The following ZDHHC14 variants were observed in gnomAD, a reference collection of about 807,000 sequenced individuals.
The protein encoded by ZDHHC14 is palmitoyltransferase ZDHHC14.
Under a neutral mutation model 47.7 loss-of-function variants are expected in ZDHHC14, and 16 were observed. The ratio of observed to expected loss-of-function variants is 0.34; its 90% CI spans 0.23 to 0.51. ZDHHC14 has a LOEUF of 0.51. Ranked by LOEUF, ZDHHC14 falls within the 20% of genes least tolerant of loss-of-function variation. The probability of loss-of-function intolerance (pLI) is 0.97; values close to 1 mark genes in which losing one functional copy is unlikely to be tolerated. For synonymous variants in ZDHHC14, 293 were observed against 278.9 expected (o/e 1.05, Z -0.50); for missense variants, 515 against 662.5 (o/e 0.78, Z 2.44).
At chr6:157,385,128 G>A (rs1483530601) in intron 1 of ZDHHC14, among the ~76,000 whole-genome samples, 2 of 149,448 alleles carry the variant, frequency 1.3e-5, no homozygotes, top group African/African-American at 5.0e-5. Context: ...TCACTGTGTT[G>A]TCCAGGCTGG....
chr6:157,424,170 A>G (rs1361987197), intron 1 of ZDHHC14, among the ~76,000 whole-genome samples: 1 of 152,256 alleles, frequency 6.6e-6, no homozygotes, highest in African/African-American at 2.4e-5. Flanking sequence ...ACTGTGTGAT[A>G]TATTTAAACT....
intron 1 of ZDHHC14, among the ~76,000 whole-genome samples, chr6:157,503,200 C>T (rs2114740212): frequency 6.6e-6 from 1 of 152,304 alleles, no homozygotes; most frequent in South Asian, 2.1e-4. Context: ...CAGCCCTCCA[C>T]ACCGGCCACC....
At chr6:157,535,147 C>T (rs1225595907) in intron 1 of ZDHHC14, among the ~76,000 whole-genome samples, 4 of 152,216 alleles carry the variant, frequency 2.6e-5, no homozygotes, top group African/African-American at 9.6e-5. Context: ...TTGGGCCCCA[C>T]GGGCAGAAGA....
intron 1 of ZDHHC14, among the ~76,000 whole-genome samples, chr6:157,538,875 G>C (rs2047970): frequency 0.4 from 60,295 of 151,964 alleles, 12,130 homozygotes; most frequent in Admixed American, 0.45. Context: ...GAGTGAAAGC[G>C]GGTGCCTGCC....
At chr6:157,610,871 C>T (rs936214731) in intron 3 of ZDHHC14, among the ~76,000 whole-genome samples, 12 of 152,192 alleles carry the variant, frequency 7.9e-5, no homozygotes, top group Admixed American at 7.9e-4. Context: ...ATCAGAGTGC[C>T]AATTTATAAG....
chr6:157,647,415 G>A lies in ZDHHC14; in HGVS notation c.965+47G>A, dbSNP rs201305824. 3.4e-5 allele frequency: 51 copies of A among 1,500,888 alleles called. No homozygotes were observed. In the Middle Eastern group the frequency reaches 5.2e-4, roughly 15 times the overall value. 93.0% of individuals were successfully genotyped at this position (1,500,888 alleles called of 1,614,324 possible). A position where few individuals can be genotyped will look rare whatever the true frequency, so the allele number is the denominator to read the frequency against. On this transcript the variant is annotated intron_variant, in intron 7 of 8. Coordinates refer to ENST00000359775, the MANE Select transcript of ZDHHC14 (RefSeq NM_024630.3). ...GCTCTTCAACAGACCTTGGAAAACC[G>A]AATGCCTCGGCCGTTAGCACAGGCC...
intron 7 of ZDHHC14, among the ~76,000 whole-genome samples, chr6:157,648,995 G>T (rs966311455): frequency 2.6e-5 from 4 of 152,170 alleles, no homozygotes; most frequent in African/African-American, 9.7e-5. Context: ...ATATGGCACG[G>T]CTTTATGTTG....
At chr6:157,554,349 G>C (rs1782367777) in intron 2 of ZDHHC14, among the ~76,000 whole-genome samples, 1 of 152,206 alleles carries the variant, frequency 6.6e-6, no homozygotes, top group Non-Finnish European at 1.5e-5. Flanking sequence ...ATGTAAGGCA[G>C]GCCGTAGGCG....
intron 1 of ZDHHC14, among the ~76,000 whole-genome samples, chr6:157,414,157 C>T (rs1338189503): frequency 6.6e-6 from 1 of 152,154 alleles, no homozygotes; most frequent in Non-Finnish European, 1.5e-5. Context: ...GTCTCAAACT[C>T]CTGACCTCAG....
At chr6:157,408,636 C>T (rs1159914014) in intron 1 of ZDHHC14, among the ~76,000 whole-genome samples, 1 of 152,192 alleles carries the variant, frequency 6.6e-6, no homozygotes, top group African/African-American at 2.4e-5. Flanking sequence ...AGGACATGAT[C>T]TGATTCCTTT....
At chr6:157,606,380 TG>T (rs1396239505) in intron 3 of ZDHHC14, among the ~76,000 whole-genome samples, 1 of 152,084 alleles carries the variant, frequency 6.6e-6, no homozygotes, top group Admixed American at 6.5e-5. Context: ...GCAGGAGAAT[TG>T]CTTGAACCTG....
intron 1 of ZDHHC14, among the ~76,000 whole-genome samples, chr6:157,538,415 C>A (rs993879255): frequency 6.6e-6 from 1 of 152,226 alleles, no homozygotes; most frequent in Non-Finnish European, 1.5e-5. Context: ...TAGACCAGGT[C>A]TGTGGTTGCT....
At chr6:157,615,278 C>G (rs1784920931) in intron 3 of ZDHHC14, among the ~76,000 whole-genome samples, 2 of 152,216 alleles carry the variant, frequency 1.3e-5, no homozygotes, top group African/African-American at 4.8e-5. Context: ...AAACAGCACA[C>G]TGTATTTAGA....
rs147538534 is a variant in ZDHHC14 at position 157,459,261 on chromosome 6, G to T, written c.245+76995G>T. 2.8e-3 allele frequency among the ~76,000 whole-genome samples: 419 copies of T among 152,266 alleles called. 6 individuals carry two copies. Among genetic ancestry groups the T allele is most frequent in the African/African-American group, 9.5e-3 (394 of 41,562 alleles). On this transcript the variant is annotated intron_variant, in intron 1 of 8. Coordinates refer to ENST00000359775, the MANE Select transcript of ZDHHC14 (RefSeq NM_024630.3). ...CGTTCATCATAATGTAGAAGGTGTA[G>T]CTCCTGCTGTTCTGCCTAGATGACA...
chr6:157,485,261 T>G (rs982470046), intron 1 of ZDHHC14, among the ~76,000 whole-genome samples: 23 of 152,214 alleles, frequency 1.5e-4, no homozygotes, highest in African/African-American at 5.3e-4. Flanking sequence ...TGCCCTGTAC[T>G]GCAGCAGGGA....
chr6:157,392,227 A>G (rs373406445), intron 1 of ZDHHC14, among the ~76,000 whole-genome samples: 1 of 152,226 alleles, frequency 6.6e-6, no homozygotes, highest in African/African-American at 2.4e-5. Context: ...TCAACTAATC[A>G]TTGAAGTTAT....
rs1018029667 is a variant in ZDHHC14, at chr6:157,640,004, G to A, written c.753-5733G>A. On this transcript the variant is annotated intron_variant, in intron 5 of 8. Coordinates refer to ENST00000359775, the MANE Select transcript of ZDHHC14 (RefSeq NM_024630.3). ...TCAATGAGAATGTCGCAGCCTCATA[G>A]GAAATGTTACCTGTCAGGTGCCTGT... Among the ~76,000 whole-genome samples, 32 of 152,196 alleles carry A rather than the reference G, an allele frequency of 2.1e-4. 1 individual carries two copies. The highest frequency in any genetic ancestry group is 5.5e-4 in the African/African-American group (23 of 41,450).
At chr6:157,453,231 A>T (rs926586516) in intron 1 of ZDHHC14, among the ~76,000 whole-genome samples, 16 of 152,102 alleles carry the variant, frequency 1.1e-4, no homozygotes, top group Non-Finnish European at 2.4e-4. Flanking sequence ...CTTCTCATCT[A>T]TGTTCTTTAG....
At chr6:157,466,746 G>T (rs1779227906) in intron 1 of ZDHHC14, among the ~76,000 whole-genome samples, 1 of 151,972 alleles carries the variant, frequency 6.6e-6, no homozygotes, top group Non-Finnish European at 1.5e-5. Flanking sequence ...GCTGAGGCAG[G>T]AGAATCAGTT....
Sources: gnomAD v4.1 joint callset for allele counts (sites outside exome capture counted in the v4.1 genomes callset) on GRCh38, gnomAD v4.1.1 for gene constraint, MANE v1.5 for transcripts, NCBI Gene and HGNC (gene_info 2026-07-23, HGNC 2026-07-21) for gene names.